The following SLC1A1 variants were observed in gnomAD, a reference collection of about 807,000 sequenced individuals.
SLC1A1 encodes solute carrier family 1 member 1.
A neutral mutation model predicts 53.3 loss-of-function variants in SLC1A1; 43 were observed. The observed-to-expected ratio is 0.81, with a 90% CI of 0.63 to 1.04. The LOEUF is 1.04. SLC1A1 is among the 50% of genes least tolerant of loss of function. The pLI is 0.00. For missense variants in SLC1A1, 748 were observed against 664.9 expected (o/e 1.12, Z -1.37); for synonymous variants, 307 against 243.2 (o/e 1.26, Z -2.44).
At chr9:4,555,012 G>A (rs1241850653) in intron 2 of SLC1A1, among the ~76,000 whole-genome samples, 1 of 152,198 alleles carries the variant, frequency 6.6e-6, no homozygotes, top group Non-Finnish European at 1.5e-5. Flanking sequence ...AGCTACGCAA[G>A]CTGAGGTTGT....
At chr9:4,561,394 T>G in intron 2 of SLC1A1, 55 bp from the exon 3 acceptor site, 1 of 1,057,262 alleles carries the variant, frequency 9.5e-7, no homozygotes, top group East Asian at 2.4e-5. Flanking sequence ...AAATCGCGGG[T>G]CCTGGAAACC....
chr9:4,532,867 G>T (rs959059804), intron 1 of SLC1A1, among the ~76,000 whole-genome samples: 1 of 152,092 alleles, frequency 6.6e-6, no homozygotes, highest in African/African-American at 2.4e-5. Flanking sequence ...CTGATCTCTC[G>T]GCAGAAACTC....
At chr9:4,576,456 A>C in intron 9 of SLC1A1, 113 bp from the exon 10 acceptor site, 1 of 874,976 alleles carries the variant, frequency 1.1e-6, no homozygotes, top group Non-Finnish European at 1.9e-6. Flanking sequence ...TTTTCTCGAC[A>C]AGATTACCTA....
At chr9:4,496,002 G>T (rs1231428997) in intron 1 of SLC1A1, among the ~76,000 whole-genome samples, 1 of 152,200 alleles carries the variant, frequency 6.6e-6, no homozygotes. Flanking sequence ...TGAGTCTGGT[G>T]CTCAGGAGAC....
Position 4,556,804 on chromosome 9 carries a change from T to C in SLC1A1, c.233-4645T>C, listed in dbSNP as rs975732565. On this transcript the variant is annotated intron_variant, in intron 2 of 11. Transcript: ENST00000262352. This position sits in a 1 kb window ranked among gnomAD's most constrained non-coding sequence, Gnocchi z 4.1. ...TGAGTTGGGGGAGAAAATCTTACTC[T>C]TTTTATGTAAAAAAACACATGTATC... Among the ~76,000 whole-genome samples, 1 of 152,174 alleles carries C rather than the reference T, an allele frequency of 6.6e-6. No individual in the cohort carries two copies. The highest frequency in any genetic ancestry group is 6.5e-5 in the Admixed American group (1 of 15,270).
intron 1 of SLC1A1, among the ~76,000 whole-genome samples, chr9:4,526,434 C>G (rs1816261767): frequency 6.6e-6 from 1 of 152,058 alleles, no homozygotes; most frequent in South Asian, 2.1e-4. Flanking sequence ...TTTTCAAGCA[C>G]AAACTGACGT....
intron 1 of SLC1A1, among the ~76,000 whole-genome samples, chr9:4,511,904 A>C (rs1307724154): frequency 6.6e-6 from 1 of 152,228 alleles, no homozygotes; most frequent in African/African-American, 2.4e-5. Flanking sequence ...CACAAAAATC[A>C]CTTGTTATTT....
chr9:4,567,195 A>G (rs1458552776), intron 5 of SLC1A1, among the ~76,000 whole-genome samples: 1 of 152,248 alleles, frequency 6.6e-6, no homozygotes, highest in East Asian at 1.9e-4. Context: ...GGGACTGTTG[A>G]TTTTGGAACA....
chr9:4,508,954 A>C (rs942855747), intron 1 of SLC1A1, among the ~76,000 whole-genome samples: 2 of 152,164 alleles, frequency 1.3e-5, no homozygotes, highest in African/African-American at 4.8e-5. Flanking sequence ...GGAGAGCACG[A>C]ATTAGACCTG....
intron 1 of SLC1A1, among the ~76,000 whole-genome samples, chr9:4,505,538 A>T (rs1459094720): frequency 6.6e-6 from 1 of 152,252 alleles, no homozygotes; most frequent in Non-Finnish European, 1.5e-5. Context: ...TTCTCAATTC[A>T]GCATCAATGC....
At chr9:4,518,222 G>A (rs116030138) in intron 1 of SLC1A1, among the ~76,000 whole-genome samples, 2,660 of 99,264 alleles carry the variant, frequency 0.027, 102 homozygotes, top group African/African-American at 0.095. Context: ...GTGAAAGAGC[G>A]ATATTCCACC....
chr9:4,505,149 C>A (rs900322910), intron 1 of SLC1A1, among the ~76,000 whole-genome samples: 1 of 146,294 alleles, frequency 6.8e-6, no homozygotes, highest in Non-Finnish European at 1.5e-5. Flanking sequence ...CAGGTTCAAG[C>A]GATTCTCCTG....
chr9:4,576,838 C>T, intron 10 of SLC1A1, 75 bp downstream of exon 10: 4 of 1,330,290 alleles, frequency 3.0e-6, no homozygotes, highest in Middle Eastern at 4.9e-4. Context: ...CATGAAGGGA[C>T]ACCAAGAATG....
At chr9:4,581,713 C>A (rs1344469288) in intron 10 of SLC1A1, among the ~76,000 whole-genome samples, 2 of 152,150 alleles carry the variant, frequency 1.3e-5, no homozygotes, top group Non-Finnish European at 2.9e-5. Context: ...TTATAGAGGC[C>A]AGAAACCTTT....
intron 1 of SLC1A1, among the ~76,000 whole-genome samples, chr9:4,534,938 C>T (rs540592169): frequency 2.7e-4 from 41 of 152,274 alleles, no homozygotes; most frequent in African/African-American, 9.6e-4. Context: ...AGCATATAAA[C>T]AGAACCAACA....
rs763117959 is a variant in SLC1A1, at chr9:4,575,975, C to A, written c.876-26C>A. The A allele has an allele frequency of 5.0e-6, 8 of 1,612,778 alleles. No homozygotes were observed. In the East Asian group the frequency reaches 6.7e-5, roughly 13 times the overall value. On this transcript the variant is annotated intron_variant, in intron 8 of 11. Transcript: ENST00000262352. ...TGGGGAGGTGGTATTATCTTTGAAA[C>A]TTTAATTTCTCTTTCTTGTTTACAG... is the stretch of plus-strand genomic sequence containing the variant.
At chr9:4,504,327 C>G (rs972627543) in intron 1 of SLC1A1, among the ~76,000 whole-genome samples, 3 of 152,306 alleles carry the variant, frequency 2.0e-5, no homozygotes, top group African/African-American at 7.2e-5. Context: ...TCCAAGTGTC[C>G]TTTCACATCC....
chr9:4,560,807 C>A (rs976671984), intron 2 of SLC1A1, among the ~76,000 whole-genome samples: 2 of 151,878 alleles, frequency 1.3e-5, no homozygotes, highest in African/African-American at 2.4e-5. Context: ...ACAAGCCTGG[C>A]CAACATGGTG....
At position 4,572,344 on chromosome 9, in the gene SLC1A1, T is replaced by A; in HGVS notation, c.723T>A (p.Asn241Lys). The A allele has an allele frequency of 6.2e-7, 1 of 1,614,186 alleles. No individual in the cohort carries two copies. Among genetic ancestry groups the A allele is most frequent in the South Asian group, 1.1e-5 (1 of 91,088 alleles). ...GACAAATTCTGGTGGATTTCTTCAATGCTTTGAGTGATGCAACCATGAAAA... is the reference window on the plus strand; with the variant it reads ...GACAAATTCTGGTGGATTTCTTCAAAGCTTTGAGTGATGCAACCATGAAAA... ...EKGQILVDFFNALSDATMKIV... is the reference protein window; with the variant it reads ...EKGQILVDFFKALSDATMKIV... The change falls in exon 7 of 12, where the codon AAT becomes AAA. Residue 241 changes from asparagine to lysine, a missense_variant. By Grantham distance (94) the Asn-to-Lys change is moderately conservative (BLOSUM62 0). Transcript: ENST00000262352.
Sources: allele counts gnomAD v4.1 joint callset (sites outside exome capture counted in the v4.1 genomes callset), GRCh38; gene constraint gnomAD v4.1.1; non-coding constraint Gnocchi (gnomAD v3.1); transcripts MANE v1.5; gene names NCBI Gene and HGNC (gene_info 2026-07-23, HGNC 2026-07-21).